The following EDIL3 variants were observed in gnomAD, a reference collection of about 807,000 sequenced individuals.
EDIL3 encodes EGF-like repeat and discoidin I-like domain-containing protein 3.
Under a neutral mutation model 67.4 loss-of-function variants are expected in EDIL3, and 37 were observed. The ratio of observed to expected loss-of-function variants is 0.55; its 90% confidence interval spans 0.42 to 0.72. The LOEUF (loss-of-function observed/expected upper bound fraction) is 0.72, where lower values mean the gene tolerates loss of function less well. Among genes scored for constraint, EDIL3 ranks in the 30% least tolerant of loss-of-function variants. The probability of loss-of-function intolerance (pLI) is 0.00; values close to 1 mark genes in which losing one functional copy is unlikely to be tolerated. For missense variants in EDIL3, 527 were observed against 586.3 expected (o/e 0.90, Z 1.04); for synonymous variants, 195 against 196.3 (o/e 0.99, Z 0.05).
At chr5:84,109,586 G>C (rs1747523379) in intron 5 of EDIL3, among the ~76,000 whole-genome samples, 1 of 151,968 alleles carries the variant, frequency 6.6e-6, no homozygotes, top group Non-Finnish European at 1.5e-5. Flanking sequence ...TATATTATAG[G>C]GTTATATCTT....
Position 83,941,402 on chromosome 5 carries a change from T to C in EDIL3, c.*2017A>G, listed in dbSNP as rs1184822670. 3.9e-5 allele frequency: 6 copies of C among 151,918 alleles called. No homozygotes were observed. Among genetic ancestry groups the C allele is most frequent in the African/African-American group, 7.3e-5 (3 of 41,352 alleles). The allele number at this position is 151,918 out of a possible 1,614,324, so 9.4% of individuals were successfully genotyped here. A position where few individuals can be genotyped will look rare whatever the true frequency, so the allele number is the denominator to read the frequency against. Reference sequence around the variant, plus strand: ...AATTACAAAACATCATATGAAGCTATAAATAATTTTGAAAAACTATATCAT... The same window carrying C: ...AATTACAAAACATCATATGAAGCTACAAATAATTTTGAAAAACTATATCAT... On this transcript the variant is annotated 3_prime_UTR_variant, in exon 11 of 11. Transcript: ENST00000296591.
intron 6 of EDIL3, among the ~76,000 whole-genome samples, chr5:84,086,235 T>A (rs1747067781): frequency 6.6e-6 from 1 of 152,164 alleles, no homozygotes; most frequent in Non-Finnish European, 1.5e-5. Flanking sequence ...TGCAGCTAGC[T>A]CAGTGTCTGC....
At chr5:84,050,386 G>A (rs1179591482) in intron 9 of EDIL3, among the ~76,000 whole-genome samples, 4 of 152,176 alleles carry the variant, frequency 2.6e-5, no homozygotes, top group Admixed American at 2.0e-4. Flanking sequence ...CCCAGTGTGA[G>A]CGACACAGAA....
intron 8 of EDIL3, among the ~76,000 whole-genome samples, chr5:84,062,419 T>C (rs528714954): frequency 1.1e-3 from 171 of 152,236 alleles, no homozygotes; most frequent in African/African-American, 3.8e-3. Context: ...TTTTGTGATA[T>C]AACATAGTAT....
At chr5:84,277,378 C>A (rs1393750893) in intron 1 of EDIL3, among the ~76,000 whole-genome samples, 1 of 152,124 alleles carries the variant, frequency 6.6e-6, no homozygotes, top group African/African-American at 2.4e-5. Context: ...GGACTTCCAG[C>A]CTCCAGTACT....
rs905333961 is a variant in EDIL3, at chr5:84,085,384, A to ATGT, written c.652-18781_652-18779dup. Among the ~76,000 whole-genome samples the ATGT allele has an allele frequency of 5.9e-3, 890 of 151,536 alleles. 10 individuals are homozygous for ATGT. Among genetic ancestry groups the ATGT allele is most frequent in the African/African-American group, 0.02 (825 of 41,258 alleles). The stretch of plus-strand genomic sequence containing the variant: ...TTTTGTGTGGGGGTCTTTTTTGTTG[A>ATGT]TGTTGTTGTTGTTGTTTTCTGTTTG... On this transcript the variant is annotated intron_variant, in intron 6 of 10. Transcript: ENST00000296591.
chr5:84,033,635 C>T (rs1454546617), intron 9 of EDIL3, among the ~76,000 whole-genome samples: 5 of 137,998 alleles, frequency 3.6e-5, no homozygotes, highest in African/African-American at 5.5e-5. Context: ...ACCCAGGAGG[C>T]GGAGGTTGCA....
intron 9 of EDIL3, among the ~76,000 whole-genome samples, chr5:84,015,146 T>C (rs1030635248): frequency 4.6e-5 from 7 of 152,322 alleles, no homozygotes; most frequent in African/African-American, 1.7e-4. Flanking sequence ...GTATAGCTAG[T>C]GACTGCTCTG....
chr5:84,120,104 GA>G (rs768360078), intron 5 of EDIL3, among the ~76,000 whole-genome samples: 5 of 151,896 alleles, frequency 3.3e-5, no homozygotes, highest in Non-Finnish European at 7.4e-5. Flanking sequence ...GTCACATAAA[GA>G]AAGTAAAATG....
chr5:83,992,727 G>A (rs900872409), intron 9 of EDIL3, among the ~76,000 whole-genome samples: 3 of 151,846 alleles, frequency 2.0e-5, no homozygotes, highest in African/African-American at 7.3e-5. Context: ...ACAGCACGAA[G>A]TAATGAAAGA....
intron 9 of EDIL3, among the ~76,000 whole-genome samples, chr5:83,968,619 A>ATAT (rs772439384): frequency 2.1e-4 from 32 of 151,994 alleles, no homozygotes; most frequent in Non-Finnish European, 4.3e-4. Flanking sequence ...GACACCTGGC[A>ATAT]TATTGTAGAC....
intron 6 of EDIL3, among the ~76,000 whole-genome samples, chr5:84,100,800 C>T (rs1223323720): frequency 6.6e-6 from 1 of 152,030 alleles, no homozygotes; most frequent in Non-Finnish European, 1.5e-5. Context: ...TCAATAAATA[C>T]ACCAATTTTG....
intron 1 of EDIL3, among the ~76,000 whole-genome samples, chr5:84,338,214 G>A (rs1747027911): frequency 6.6e-6 from 1 of 152,022 alleles, no homozygotes; most frequent in South Asian, 2.1e-4. Flanking sequence ...AAGGACTAAG[G>A]AGACCATCCT....
At chr5:84,154,693 C>CTTTTTTTTT (rs397881707) in intron 4 of EDIL3, among the ~76,000 whole-genome samples, 1 of 92,292 alleles carries the variant, frequency 1.1e-5, no homozygotes, top group African/African-American at 4.2e-5. Context: ...TCTGCTTCTG[C>CTTTTTTTTT]TTTTTTTTTT....
intron 1 of EDIL3, among the ~76,000 whole-genome samples, chr5:84,288,871 CT>C (rs370031736): frequency 5.9e-4 from 86 of 146,226 alleles, no homozygotes; most frequent in South Asian, 2.4e-3. Context: ...CAAGAATAGA[CT>C]TTTTTTTTTT....
At chr5:83,980,676 A>AATATATATATAT (rs113580835) in intron 9 of EDIL3, among the ~76,000 whole-genome samples, 1 of 141,066 alleles carries the variant, frequency 7.1e-6, no homozygotes, top group East Asian at 2.1e-4. Flanking sequence ...GAAAGATTGA[A>AATATATATATAT]ATATATATAT....
At chr5:84,005,020 C>T (rs1037039084) in intron 9 of EDIL3, among the ~76,000 whole-genome samples, 1 of 152,182 alleles carries the variant, frequency 6.6e-6, no homozygotes, top group African/African-American at 2.4e-5. Context: ...ACAATTGATT[C>T]CGCAGAAATA....
chr5:84,161,042 T>C (rs989948611), intron 4 of EDIL3, among the ~76,000 whole-genome samples: 1 of 151,906 alleles, frequency 6.6e-6, no homozygotes, highest in African/African-American at 2.4e-5. Flanking sequence ...ATTCTTAAGC[T>C]TTTGTGTCCT....
chr5:83,969,582 T>C (rs910776460), intron 9 of EDIL3, among the ~76,000 whole-genome samples: 15 of 151,804 alleles, frequency 9.9e-5, no homozygotes, highest in African/African-American at 3.6e-4. Context: ...CTCTCATGTG[T>C]ATTTATTTGC....
Sources: allele counts gnomAD v4.1 joint callset (sites outside exome capture counted in the v4.1 genomes callset), GRCh38; gene constraint gnomAD v4.1.1; transcripts MANE v1.5; gene names NCBI Gene and HGNC (gene_info 2026-07-23, HGNC 2026-07-21).